DACH2: variants seen among roughly 807,000 people sequenced by gnomAD.
DACH2 encodes the protein dachshund family transcription factor 2.
Under a neutral mutation model 35.8 loss-of-function variants are expected in DACH2, and 17 were observed. The observed-to-expected ratio is 0.48, with a 90% CI of 0.33 to 0.71. The LOEUF (loss-of-function observed/expected upper bound fraction) is 0.71, where lower values mean the gene tolerates loss of function less well. Among genes scored for constraint, DACH2 ranks in the 30% least tolerant of loss-of-function variants. DACH2 has a pLI of 0.02. For missense variants in DACH2, 469 were observed against 472.7 expected (o/e 0.99, Z 0.07); for synonymous variants, 195 against 177.3 (o/e 1.10, Z -0.79).
intron 1 of DACH2, among the ~76,000 whole-genome samples, chrX:86,355,395 T>C (rs190821552): frequency 1.2e-4 from 13 of 112,398 alleles, no homozygotes; most frequent in African/African-American, 3.9e-4. Context: ...ATTGCTGGGT[T>C]GAATGGCAGT....
intron 2 of DACH2, among the ~76,000 whole-genome samples, chrX:86,477,786 G>A (rs763231829): frequency 3.6e-5 from 4 of 109,868 alleles, no homozygotes; most frequent in African/African-American, 9.9e-5. Context: ...AATTTTCTCC[G>A]GTAGTATGAT....
intron 1 of DACH2, chrX:86,345,586 C>G (rs902323109): frequency 1.1e-5 from 2 of 176,079 alleles, no homozygotes; most frequent in Admixed American, 1.5e-4. Context: ...AATGTCCTTT[C>G]CTAGAGGCGA....
At chrX:86,511,201 A>C (rs1377848577) in intron 2 of DACH2, among the ~76,000 whole-genome samples, 1 of 111,770 alleles carries the variant, frequency 8.9e-6, no homozygotes, top group African/African-American at 3.2e-5. Flanking sequence ...ACAATCTTTC[A>C]TCGTGTTGTC....
intron 7 of DACH2, among the ~76,000 whole-genome samples, chrX:86,763,012 C>G (rs1408224354): frequency 3.6e-5 from 4 of 111,186 alleles, no homozygotes; most frequent in Non-Finnish European, 7.5e-5. Context: ...TACATGAGCA[C>G]AGTTGTTTTT....
At chrX:86,519,810 G>A (rs1256405271) in intron 3 of DACH2, among the ~76,000 whole-genome samples, 2 of 109,975 alleles carry the variant, frequency 1.8e-5, no homozygotes, top group Admixed American at 9.7e-5. Context: ...TCTAGCTAGT[G>A]GCCTATGTAT....
At chrX:86,278,437 G>A (rs1193590440) in intron 1 of DACH2, among the ~76,000 whole-genome samples, 1 of 111,954 alleles carries the variant, frequency 8.9e-6, no homozygotes, top group Admixed American at 9.5e-5. Context: ...TGCAGAAAGT[G>A]CTTTCCAAGA....
intron 1 of DACH2, among the ~76,000 whole-genome samples, chrX:86,293,563 G>T (rs1303958221): frequency 9.1e-6 from 1 of 110,052 alleles, no homozygotes; most frequent in African/African-American, 3.3e-5. Flanking sequence ...GGCTGGTACC[G>T]GTTGTTCCTT....
chrX:86,284,193 G>C (rs972534270), intron 1 of DACH2, among the ~76,000 whole-genome samples: 1 of 111,332 alleles, frequency 9.0e-6, no homozygotes, highest in East Asian at 2.8e-4. Context: ...TAAAGGAAAG[G>C]CTTTCAGTTT....
chrX:86,303,065 T>A (rs1472092545), intron 1 of DACH2, among the ~76,000 whole-genome samples: 1 of 102,803 alleles, frequency 9.7e-6, no homozygotes, highest in African/African-American at 3.6e-5. Flanking sequence ...ATTATACATC[T>A]AGTATGTTGT....
intron 2 of DACH2, among the ~76,000 whole-genome samples, chrX:86,424,239 ATAGGGATTT>A (rs2036854660): frequency 9.0e-6 from 1 of 110,769 alleles, no homozygotes; most frequent in Non-Finnish European, 1.9e-5. Flanking sequence ...TGGTATTTTG[ATAGGGATTT>A]CAGTGAACCT....
At chrX:86,737,013 A>C (rs768265186) in intron 6 of DACH2, among the ~76,000 whole-genome samples, 33 of 111,725 alleles carry the variant, frequency 3.0e-4, no homozygotes, top group African/African-American at 1.1e-3. Context: ...ACATATATTA[A>C]ATTCCTTTTA....
chrX:86,411,084 C>G (rs2036606908), intron 2 of DACH2, among the ~76,000 whole-genome samples: 1 of 84,106 alleles, frequency 1.2e-5, no homozygotes, highest in African/African-American at 4.4e-5. Flanking sequence ...CTTACACGAT[C>G]ACAGGGTCCC....
intron 1 of DACH2, among the ~76,000 whole-genome samples, chrX:86,205,474 CTCCTTCCCTCCTTCCCTCCTTCCTTCCT>C (rs2032276536): frequency 8.5e-5 from 4 of 47,214 alleles, no homozygotes; most frequent in African/African-American, 6.8e-4. Context: ...CCCTCCTTCC[CTCCTTCCCTCCTTCCCTCCTTCCTTCCT>C]TCCTTCCTTC....
At chrX:86,487,824 G>A (rs1235882458) in intron 2 of DACH2, among the ~76,000 whole-genome samples, 1 of 111,555 alleles carries the variant, frequency 9.0e-6, no homozygotes, top group African/African-American at 3.2e-5. Context: ...ATTTCTCCAC[G>A]AAGTAAAAGG....
intron 6 of DACH2, among the ~76,000 whole-genome samples, chrX:86,731,434 C>T (rs1258367414): frequency 1.8e-5 from 2 of 111,589 alleles, no homozygotes; most frequent in African/African-American, 6.5e-5. Context: ...CTCTTCACGG[C>T]AATCTTTTCT....
chrX:86,698,523 T>TTTTTG (rs2041097845), intron 5 of DACH2, among the ~76,000 whole-genome samples: 1 of 38,143 alleles, frequency 2.6e-5, no homozygotes, highest in Non-Finnish European at 4.4e-5. Context: ...AGTTTTGTGT[T>TTTTTG]TTTTTTTTTT....
At chrX:86,380,467 A>C (rs755617081) in intron 2 of DACH2, among the ~76,000 whole-genome samples, 1 of 110,796 alleles carries the variant, frequency 9.0e-6, no homozygotes, top group Non-Finnish European at 1.9e-5. Context: ...TCAGAAATCA[A>C]GTTTGGTAGC....
At chrX:86,356,998 T>G (rs2035654038) in intron 1 of DACH2, among the ~76,000 whole-genome samples, 1 of 111,321 alleles carries the variant, frequency 9.0e-6, no homozygotes, top group Non-Finnish European at 1.9e-5. Flanking sequence ...ATTGTATCAC[T>G]CTGTATGCCT....
chrX:86,623,519 G>A (rs767933642), intron 3 of DACH2, among the ~76,000 whole-genome samples: 1 of 111,775 alleles, frequency 8.9e-6, no homozygotes, highest in Admixed American at 9.5e-5. Flanking sequence ...CTGAAGATGG[G>A]TGGGGATAGA....
Sources: allele counts gnomAD v4.1 joint callset (sites outside exome capture counted in the v4.1 genomes callset), GRCh38; gene constraint gnomAD v4.1.1; transcripts MANE v1.5; gene names NCBI Gene and HGNC (gene_info 2026-07-23, HGNC 2026-07-21).